CFDP1: variants seen among roughly 807,000 people sequenced by gnomAD.
The protein encoded by CFDP1 is chromatin remodeling protein CFDP1.
Under a neutral mutation model 40.1 loss-of-function variants are expected in CFDP1, and 31 were observed. The observed-to-expected ratio is 0.77, with a 90% CI of 0.58 to 1.04. CFDP1 has a LOEUF of 1.04. CFDP1 is among the 50% of genes least tolerant of loss of function. CFDP1 has a pLI of 0.00. For missense variants in CFDP1, 423 were observed against 343.4 expected (o/e 1.23, Z -1.83); for synonymous variants, 167 against 120.0 (o/e 1.39, Z -2.56).
chr16:75,397,970 T>C (rs1458147250), intron 4 of CFDP1, among the ~76,000 whole-genome samples: 1 of 152,222 alleles, frequency 6.6e-6, no homozygotes, highest in Non-Finnish European at 1.5e-5. Flanking sequence ...CTCTTGCCCC[T>C]TGAATTCATC....
intron 5 of CFDP1, among the ~76,000 whole-genome samples, chr16:75,361,209 C>G (rs924038186): frequency 9.9e-5 from 15 of 152,140 alleles, no homozygotes; most frequent in African/African-American, 3.6e-4. Context: ...TGGGGTTTTG[C>G]CATGTTGGCC....
At chr16:75,388,986 C>A (rs906446765) in intron 5 of CFDP1, among the ~76,000 whole-genome samples, 1 of 151,062 alleles carries the variant, frequency 6.6e-6, no homozygotes, top group Non-Finnish European at 1.5e-5. Flanking sequence ...AAAATGATGT[C>A]TTTCCCTCTT....
intron 5 of CFDP1, among the ~76,000 whole-genome samples, chr16:75,333,674 T>C (rs2078464399): frequency 6.6e-6 from 1 of 152,214 alleles, no homozygotes; most frequent in Admixed American, 6.5e-5. Context: ...TATGCTGTTC[T>C]GCTGAGCCAA....
intron 5 of CFDP1, among the ~76,000 whole-genome samples, chr16:75,307,527 C>T (rs1022162871): frequency 6.6e-6 from 1 of 152,026 alleles, no homozygotes; most frequent in Admixed American, 6.6e-5. Flanking sequence ...CCACTGACCC[C>T]TTTTTAAAAC....
intron 4 of CFDP1, among the ~76,000 whole-genome samples, chr16:75,407,461 G>C (rs1253940713): frequency 6.6e-6 from 1 of 151,922 alleles, no homozygotes; most frequent in South Asian, 2.1e-4. Flanking sequence ...AGGATCACTT[G>C]AGTCCAGGAG....
At chr16:75,365,143 A>T (rs1037437836) in intron 5 of CFDP1, among the ~76,000 whole-genome samples, 2 of 152,218 alleles carry the variant, frequency 1.3e-5, no homozygotes, top group South Asian at 4.1e-4. Context: ...CTAAGCCCAT[A>T]AACAGCTTAC....
chr16:75,367,050 G>C (rs1052423463), intron 5 of CFDP1, among the ~76,000 whole-genome samples: 8 of 151,180 alleles, frequency 5.3e-5, no homozygotes, highest in Non-Finnish European at 1.0e-4. Context: ...TGTAATCCCA[G>C]CTACCTGGGA....
At chr16:75,350,411 T>C (rs2078602927) in intron 5 of CFDP1, among the ~76,000 whole-genome samples, 1 of 152,212 alleles carries the variant, frequency 6.6e-6, no homozygotes. Context: ...TCCATCTTTT[T>C]AAATTATAAC....
intron 1 of CFDP1, 78 bp downstream of exon 1, chr16:75,433,211 G>A (rs1430531171): frequency 4.3e-6 from 6 of 1,405,200 alleles, no homozygotes; most frequent in Non-Finnish European, 5.8e-6. Context: ...CAGGGCAGAC[G>A]CCCGCGGGGG....
intron 5 of CFDP1, among the ~76,000 whole-genome samples, chr16:75,393,481 C>G (rs1420683812): frequency 1.3e-5 from 2 of 152,106 alleles, no homozygotes; most frequent in Non-Finnish European, 2.9e-5. Flanking sequence ...AATCAACACT[C>G]TTTTTAAAAA....
At chr16:75,417,502 C>G in intron 1 of CFDP1, among the ~76,000 whole-genome samples, 1 of 152,038 alleles carries the variant, frequency 6.6e-6, no homozygotes, top group East Asian at 1.9e-4. Flanking sequence ...TATGCCAGCT[C>G]TGGATGAGGA....
At chr16:75,392,792 A>G (rs1017614532) in intron 5 of CFDP1, among the ~76,000 whole-genome samples, 4 of 152,226 alleles carry the variant, frequency 2.6e-5, no homozygotes, top group Non-Finnish European at 5.9e-5. Context: ...ACAGCTTACA[A>G]AGTACTTGCT....
chr16:75,399,741 G>C (rs1049130159), intron 4 of CFDP1, among the ~76,000 whole-genome samples: 1 of 152,056 alleles, frequency 6.6e-6, no homozygotes, highest in Non-Finnish European at 1.5e-5. Flanking sequence ...CAGCACTTTG[G>C]GAGGCCAAGG....
intron 5 of CFDP1, chr16:75,394,657 G>GTTTTTTTTTTTTTTTTTTT (rs1567670026): frequency 3.4e-5 from 2 of 58,568 alleles, no homozygotes. Flanking sequence ...AATTTTCTTC[G>GTTTTTTTTTTTTTTTTTTT]CTTTTTTTTT....
At chr16:75,357,484 A>G (rs2078652649) in intron 5 of CFDP1, among the ~76,000 whole-genome samples, 1 of 152,004 alleles carries the variant, frequency 6.6e-6, no homozygotes, top group Admixed American at 6.6e-5. Flanking sequence ...CGAACTCCTG[A>G]CCTCAACTGA....
At chr16:75,427,709 A>ATAC in intron 1 of CFDP1, among the ~76,000 whole-genome samples, 1 of 152,382 alleles carries the variant, frequency 6.6e-6, no homozygotes, top group Middle Eastern at 3.4e-3. Flanking sequence ...AAACATACAC[A>ATAC]TACTACAAAA....
At chr16:75,352,007 CA>C (rs3975153) in intron 5 of CFDP1, among the ~76,000 whole-genome samples, 40 of 86,762 alleles carry the variant, frequency 4.6e-4, no homozygotes, top group South Asian at 4.5e-3. Flanking sequence ...GACTCTGTCT[CA>C]AAAAAAAAAA....
Position 75,418,306 on chromosome 16 carries a change from C to CTT in CFDP1, c.65-3613_65-3612dup, listed in dbSNP as rs60458195. On this transcript the variant is annotated intron_variant, in intron 1 of 6. Transcript: ENST00000283882. Reference sequence around the variant, plus strand: ...AAGAATATCAATATGAACTCTAACCCTTTTTTTTTTTTTTTTTGAGACGCA... The same window carrying CTT: ...AAGAATATCAATATGAACTCTAACCCTTTTTTTTTTTTTTTTTTTGAGACGCA... 2.1e-3 allele frequency among the ~76,000 whole-genome samples: 220 copies of CTT among 107,158 alleles called. 1 individual carries two copies. The highest frequency in any genetic ancestry group is 2.8e-3 in the Non-Finnish European group (156 of 55,672). 70.3% of individuals were successfully genotyped at this position (107,158 alleles called of 152,430 possible).
chr16:75,315,814 T>A (rs1016269028), intron 5 of CFDP1, among the ~76,000 whole-genome samples: 5 of 152,162 alleles, frequency 3.3e-5, no homozygotes, highest in Non-Finnish European at 7.3e-5. Flanking sequence ...ATTGATATAA[T>A]GACACAATAT....
Sources: allele counts gnomAD v4.1 joint callset (sites outside exome capture counted in the v4.1 genomes callset), GRCh38; gene constraint gnomAD v4.1.1; transcripts MANE v1.5; gene names NCBI Gene and HGNC (gene_info 2026-07-23, HGNC 2026-07-21).